Variants in AKR1C1 observed in about 807,000 individuals in gnomAD.
The protein encoded by AKR1C1 is 20 alpha-hydroxysteroid dehydrogenase.
AKR1C1 carries 32 observed loss-of-function variants against 40.6 expected under a neutral mutation model. The observed-to-expected ratio is 0.79, with a 90% CI of 0.60 to 1.06. AKR1C1 has a LOEUF of 1.06. AKR1C1 is among the 50% of genes least tolerant of loss of function. The pLI is 0.00. For missense variants in AKR1C1, 320 were observed against 363.5 expected, an observed-to-expected ratio of 0.88 and a Z score of 0.97; for synonymous variants, 105 against 134.2, an observed-to-expected ratio of 0.78 and a Z score of 1.50.
At chr10:4,967,221 G>C in intron 3 of AKR1C1, 178 bp downstream of exon 3, 1 of 984,882 alleles carries the variant, frequency 1.0e-6, no homozygotes, top group Non-Finnish European at 1.4e-6. Context: ...CCATACTTCC[G>C]TGATTGCATG....
At chr10:4,965,178 T>C (rs891006093) in intron 1 of AKR1C1, among the ~76,000 whole-genome samples, 11 of 152,194 alleles carry the variant, frequency 7.2e-5, no homozygotes, top group Admixed American at 7.2e-4. Flanking sequence ...TGCAATATGG[T>C]GGGAGAGGAA....
At chr10:4,968,698 T>A in intron 4 of AKR1C1, 124 bp from the exon 5 acceptor site, 1 of 1,482,878 alleles carries the variant, frequency 6.7e-7, no homozygotes, top group Non-Finnish European at 9.1e-7. Context: ...TTTTCTGTTT[T>A]ATTTTTTCCC....
intron 8 of AKR1C1, among the ~76,000 whole-genome samples, 171 bp downstream of exon 8, chr10:4,976,104 C>A (rs1172881751): frequency 7.2e-6 from 1 of 139,668 alleles, no homozygotes; most frequent in Non-Finnish European, 1.5e-5. Flanking sequence ...TGTTCTCTGG[C>A]AGGGAGAGTG....
Position 4,965,940 on chromosome 10 carries a change from C to A in AKR1C1, c.111C>A (p.Ala37=). 1 of 1,614,142 alleles carries A rather than the reference C, an allele frequency of 6.2e-7. No homozygotes were observed. The highest frequency in any genetic ancestry group is 8.5e-7 in the Non-Finnish European group (1 of 1,179,986). ...TTCCTAAAAGTAAAGCTTTAGAGGC[C>A]ACCAAATTGGCAATTGAAGCTGGCT... is the stretch of plus-strand genomic sequence containing the variant. The part of the protein sequence containing the change: ...AEVPKSKALE[A]TKLAIEAGFR... Residue 37 remains alanine (A), a synonymous_variant, in exon 2 of 9, where the codon GCC becomes GCA. Coordinates refer to ENST00000380872, the MANE Select transcript of AKR1C1 (RefSeq NM_001353.6).
chr10:4,973,729 T>A (rs1836476291), intron 7 of AKR1C1, among the ~76,000 whole-genome samples: 1 of 152,172 alleles, frequency 6.6e-6, no homozygotes, highest in African/African-American at 2.4e-5. Flanking sequence ...ATGTTCCTAA[T>A]TAATCTATCA....
intron 5 of AKR1C1, 56 bp downstream of exon 5, chr10:4,969,000 A>G: frequency 6.2e-7 from 1 of 1,612,464 alleles, no homozygotes; most frequent in Non-Finnish European, 8.5e-7. Flanking sequence ...TTTCTGTCCT[A>G]TTGCCAAGTA....
chr10:4,967,260 CA>C, intron 3 of AKR1C1: 1 of 1,023,628 alleles, frequency 9.8e-7, no homozygotes, highest in Non-Finnish European at 1.3e-6. Flanking sequence ...GCAGAACTCT[CA>C]AAGCCTCTGC....
Position 4,974,261 on chromosome 10 carries a change from T to C in AKR1C1, c.846+1512T>C, listed in dbSNP as rs1163293029. 2.6e-5 allele frequency among the ~76,000 whole-genome samples: 4 copies of C among 151,966 alleles called. No homozygotes were observed. In the East Asian group the frequency reaches 5.8e-4, roughly 22 times the overall value. On this transcript the variant is annotated intron_variant, in intron 7 of 8. Coordinates refer to ENST00000380872, the MANE Select transcript of AKR1C1 (RefSeq NM_001353.6). Reference sequence around the variant, plus strand: ...CTAGTATATATAGATATATGACATATGTGTTATATAATATATATGTTAGAT... The same window carrying C: ...CTAGTATATATAGATATATGACATACGTGTTATATAATATATATGTTAGAT...
rs571290998 is a variant in AKR1C1 at position 4,977,911 on chromosome 10, T to G, written c.*169T>G. 11 of 1,096,816 alleles carry G rather than the reference T, an allele frequency of 1.0e-5. No homozygotes were observed. Among genetic ancestry groups the G allele is most frequent in the African/African-American group, 1.7e-5 (1 of 59,974 alleles). 67.9% of individuals were successfully genotyped at this position (1,096,816 alleles called of 1,614,324 possible). A position where few individuals can be genotyped will look rare whatever the true frequency, so the allele number is the denominator to read the frequency against. On this transcript the variant is annotated 3_prime_UTR_variant, in exon 9 of 9. Transcript: ENST00000380872. Reference sequence around the variant, plus strand: ...ATTGGCCAGAAAGGAAAGACAATAATTTTGTTTTTTCATTTTGAAAAAATT... The same window carrying G: ...ATTGGCCAGAAAGGAAAGACAATAAGTTTGTTTTTTCATTTTGAAAAAATT...
At position 4,979,129 on chromosome 10, in the gene AKR1C1, C is replaced by T. The variant is rs1167879330; in HGVS notation, c.*1387C>T. ...GTCTCAGAGCTGAGAGGCATCCCAG[C>T]AAGTTTTGCAGCTCACAGTTTTTTC... On this transcript the variant is annotated 3_prime_UTR_variant, in exon 9 of 9. Coordinates refer to ENST00000380872, the MANE Select transcript of AKR1C1 (RefSeq NM_001353.6). The T allele has an allele frequency of 5.9e-5, 9 of 152,184 alleles. No homozygotes were observed. The highest frequency in any genetic ancestry group is 2.2e-4 in the African/African-American group (9 of 41,450). 9.4% of individuals were successfully genotyped at this position (152,184 alleles called of 1,614,324 possible).
Position 4,981,263 on chromosome 10 carries a change from T to C in AKR1C1, c.*3521T>C, listed in dbSNP as rs1836610261. On this transcript the variant is annotated 3_prime_UTR_variant, in exon 9 of 9. Transcript: ENST00000380872. ...GATATAGATTAAATCTTAAGGACCC[T>C]AGGATTGTTAGAATAGTAAATGAAC... 6.6e-6 allele frequency: 1 copy of C among 152,196 alleles called. No homozygotes were observed. The highest frequency in any genetic ancestry group is 2.1e-4 in the South Asian group (1 of 4,834). 9.4% of individuals were successfully genotyped at this position (152,196 alleles called of 1,614,324 possible). A position where few individuals can be genotyped will look rare whatever the true frequency, so the allele number is the denominator to read the frequency against.
In AKR1C1 at chr10:4,977,713, C is replaced by T; in HGVS notation, c.943C>T (p.Pro315Ser). Residue 315 changes from proline (P) to serine (S), a missense_variant, in exon 9 of 9, where the codon CCT becomes TCT. Around this residue, in one of 3 missense-constraint regions of AKR1C1, gnomAD observed 29 missense variants for 23.4 expected, o/e 1.24. Coordinates refer to ENST00000380872, the MANE Select transcript of AKR1C1 (RefSeq NM_001353.6). Reference sequence around the variant, plus strand: ...TTCTCTTTCCAGTTTTGCTGGCCCCCCTAATTATCCATTTTCTGATGAATA... The same window carrying T: ...TTCTCTTTCCAGTTTTGCTGGCCCCTCTAATTATCCATTTTCTGATGAATA... ...YLTLDIFAGP[P>S]NYPFSDEY 1 of 1,610,018 alleles carries T rather than the reference C, an allele frequency of 6.2e-7. No homozygotes were observed. The highest frequency in any genetic ancestry group is 8.5e-7 in the Non-Finnish European group (1 of 1,179,014).
At chr10:4,969,795 G>T in intron 5 of AKR1C1, 1 of 1,545,604 alleles carries the variant, frequency 6.5e-7, no homozygotes, top group South Asian at 1.2e-5. Context: ...ACTTTTCCCA[G>T]TAAATTACAT....
In AKR1C1 at chr10:4,978,021, A is replaced by G. The variant is rs1464509720; in HGVS notation, c.*279A>G. On this transcript the variant is annotated 3_prime_UTR_variant, in exon 9 of 9. Coordinates refer to ENST00000380872, the MANE Select transcript of AKR1C1 (RefSeq NM_001353.6). ...TTCCTTCTGACACACTAGTGCCCCT[A>G]AATTGTGATTTGCCTATACGTTTAG... The G allele has an allele frequency of 8.3e-6, 4 of 480,126 alleles. No individual in the cohort carries two copies. Among genetic ancestry groups the G allele is most frequent in the African/African-American group, 6.2e-5 (3 of 48,420 alleles). 29.7% of individuals were successfully genotyped at this position (480,126 alleles called of 1,614,324 possible). A position where few individuals can be genotyped will look rare whatever the true frequency, so the allele number is the denominator to read the frequency against.
chr10:4,980,830 CATG>C lies in AKR1C1; in HGVS notation c.*3090_*3092del, dbSNP rs1564320683. 1.3e-5 allele frequency: 2 copies of C among 152,198 alleles called. No homozygotes were observed. The highest frequency in any genetic ancestry group is 2.9e-5 in the Non-Finnish European group (2 of 68,036). 9.4% of individuals were successfully genotyped at this position (152,198 alleles called of 1,614,324 possible). On this transcript the variant is annotated 3_prime_UTR_variant, in exon 9 of 9. Coordinates refer to ENST00000380872, the MANE Select transcript of AKR1C1 (RefSeq NM_001353.6). The stretch of plus-strand genomic sequence containing the variant: ...AATGTTTTGCCCTCCTGTCACGAAT[CATG>C]AATGTTTTTAATGGCATCTAGAATA...
Position 4,977,681 on chromosome 10 carries a change from T to G in AKR1C1, c.930-19T>G. ...GAGTCATTGCCATTCAGAGTGTGCA[T>G]TTTTTTTTCTCTTTCCAGTTTTGCT... On this transcript the variant is annotated intron_variant, in intron 8 of 8. Transcript: ENST00000380872. The G allele has an allele frequency of 6.3e-7, 1 of 1,591,136 alleles. No individual in the cohort carries two copies. Among genetic ancestry groups the G allele is most frequent in the Non-Finnish European group, 8.6e-7 (1 of 1,166,170 alleles).
chr10:4,966,681 A>G (rs1341980090), intron 2 of AKR1C1, among the ~76,000 whole-genome samples: 7 of 152,230 alleles, frequency 4.6e-5, no homozygotes, highest in Non-Finnish European at 1.0e-4. Flanking sequence ...TTATGATTTG[A>G]TAACAACTTT....
intron 4 of AKR1C1, 77 bp from the exon 5 acceptor site, chr10:4,968,745 T>A: frequency 3.7e-6 from 6 of 1,607,602 alleles, no homozygotes; most frequent in Non-Finnish European, 5.1e-6. Context: ...TATTGTCATA[T>A]CTAGACAGTT....
chr10:4,983,115 G>T lies in AKR1C1; in HGVS notation c.*5373G>T. The T allele has an allele frequency of 3.3e-6, 1 of 307,034 alleles. No homozygotes were observed. Among genetic ancestry groups the T allele is most frequent in the South Asian group, 2.8e-5 (1 of 35,600 alleles). The allele number at this position is 307,034 out of a possible 1,614,324, so 19.0% of individuals were successfully genotyped here. ...GATGAAGAACTGCACGGAGGAGATG[G>T]AGGCACCCAGACAGATGCCCCATGG... On this transcript the variant is annotated 3_prime_UTR_variant, in exon 9 of 9. Coordinates refer to ENST00000380872, the MANE Select transcript of AKR1C1 (RefSeq NM_001353.6).
Sources: gnomAD v4.1 joint callset for allele counts (sites outside exome capture counted in the v4.1 genomes callset) on GRCh38, gnomAD v4.1.1 for gene constraint, gnomAD v4.1.1 regional missense constraint, MANE v1.5 for transcripts, NCBI Gene and HGNC (gene_info 2026-07-23, HGNC 2026-07-21) for gene names.